Variants in CCM2 observed in about 807,000 individuals in gnomAD.
CCM2 encodes the protein cerebral cavernous malformations 2 protein.
CCM2 carries 25 observed loss-of-function variants against 44.9 expected under a neutral mutation model. The ratio of observed to expected loss-of-function variants is 0.56; its 90% confidence interval spans 0.41 to 0.78. The LOEUF (loss-of-function observed/expected upper bound fraction) is 0.78. CCM2 is among the 30% of genes least tolerant of loss of function. CCM2 has a pLI of 0.00. For missense variants in CCM2, 481 were observed against 580.6 expected (o/e 0.83, Z 1.76); for synonymous variants, 219 against 241.1 (o/e 0.91, Z 0.85).
rs1285106791 is a variant in CCM2 at position 45,067,213 on chromosome 7, G to C, written c.473-1230G>C. 2.0e-4 allele frequency among the ~76,000 whole-genome samples: 25 copies of C among 122,408 alleles called. No homozygotes were observed. The South Asian group carries it at 6.1e-3, about 30-fold the overall frequency. 80.3% of individuals were successfully genotyped at this position (122,408 alleles called of 152,430 possible). A position where few individuals can be genotyped will look rare whatever the true frequency, so the allele number is the denominator to read the frequency against. ...TGTGCCCGCCTTTTTTTTTTTTTGA[G>C]ACAAGTTTGGTGCTTGTTGCCCAGG... is the stretch of plus-strand genomic sequence containing the variant. On this transcript the variant is annotated intron_variant, in intron 4 of 9. Coordinates refer to ENST00000258781, the MANE Select transcript of CCM2 (RefSeq NM_031443.4).
intron 1 of CCM2, among the ~76,000 whole-genome samples, chr7:45,011,428 C>T (rs1447910303): frequency 6.6e-6 from 1 of 152,274 alleles, no homozygotes; most frequent in African/African-American, 2.4e-5. Flanking sequence ...AACTCCTGAC[C>T]TCAGGTGATC....
Position 45,027,497 on chromosome 7 carries a change from G to T in CCM2, c.31-10756G>T, listed in dbSNP as rs1796742234. 3.8e-6 allele frequency: 3 copies of T among 795,612 alleles called. No homozygotes were observed. In the South Asian group the frequency reaches 5.3e-5, roughly 14 times the overall value. 49.3% of individuals were successfully genotyped at this position (795,612 alleles called of 1,614,324 possible). A position where few individuals can be genotyped will look rare whatever the true frequency, so the allele number is the denominator to read the frequency against. On this transcript the variant is annotated intron_variant, in intron 1 of 9. Coordinates refer to ENST00000258781, the MANE Select transcript of CCM2 (RefSeq NM_031443.4). ...TAGGGAAAATGAGCTGGTTTACTTT[G>T]TGTCTTTTTGTGCATGCAGACTGTT...
chr7:45,002,654 A>G (rs2128709650), intron 1 of CCM2, among the ~76,000 whole-genome samples: 1 of 152,236 alleles, frequency 6.6e-6, no homozygotes, highest in South Asian at 2.1e-4. Context: ...TCTCACGGAA[A>G]CTTGGCCCCA....
At chr7:45,025,466 A>T (rs977703955) in intron 1 of CCM2, among the ~76,000 whole-genome samples, 4 of 150,814 alleles carry the variant, frequency 2.7e-5, no homozygotes, top group African/African-American at 9.8e-5. Context: ...TATTCTACGA[A>T]TTTTTTATTT....
At chr7:45,045,313 A>G (rs566714985) in intron 2 of CCM2, among the ~76,000 whole-genome samples, 45 of 152,336 alleles carry the variant, frequency 3.0e-4, no homozygotes, top group Non-Finnish European at 2.2e-4. Flanking sequence ...ATTGATTTCC[A>G]TAAATGGGAA....
Position 45,000,307 on chromosome 7 carries a change from C to T in CCM2, c.-27C>T. 3 of 1,231,030 alleles carry T rather than the reference C, an allele frequency of 2.4e-6. No homozygotes were observed. The highest frequency in any genetic ancestry group is 4.2e-5 in the Admixed American group (1 of 23,992). 76.3% of individuals were successfully genotyped at this position (1,231,030 alleles called of 1,614,324 possible). A position where few individuals can be genotyped will look rare whatever the true frequency, so the allele number is the denominator to read the frequency against. ...GGCGGGGCTCCCGGGGCGGGCCGGG[C>T]GGGCCGCGGGAGCCGCACGCGGCGA... On this transcript the variant is annotated 5_prime_UTR_variant, in exon 1 of 10. Transcript: ENST00000258781.
At chr7:45,042,265 C>CAAAAAAAAAAAA (rs71565940) in intron 2 of CCM2, among the ~76,000 whole-genome samples, 8 of 102,408 alleles carry the variant, frequency 7.8e-5, no homozygotes, top group Admixed American at 2.1e-4. Context: ...GATTCCATCT[C>CAAAAAAAAAAAA]AAAAAAAAAA....
rs1408503446 is a variant in CCM2 at position 45,050,030 on chromosome 7, GA to G, written c.204+11605del. Among the ~76,000 whole-genome samples the G allele has an allele frequency of 2.6e-5, 4 of 152,342 alleles. No homozygotes were observed. The East Asian group carries it at 7.7e-4, about 29-fold the overall frequency. ...TTGGTCAACGACAGACCACACATATGACAATGGTCCCATGAGATTATAAGGG... is the reference window on the plus strand; with the variant it reads ...TTGGTCAACGACAGACCACACATATGCAATGGTCCCATGAGATTATAAGGG... On this transcript the variant is annotated intron_variant, in intron 2 of 9. Coordinates refer to ENST00000258781, the MANE Select transcript of CCM2 (RefSeq NM_031443.4).
chr7:45,033,694 A>G (rs1476546824), intron 1 of CCM2, among the ~76,000 whole-genome samples: 1 of 152,234 alleles, frequency 6.6e-6, no homozygotes, highest in Non-Finnish European at 1.5e-5. Flanking sequence ...AGCTGGGCTC[A>G]TGGGCCAAAT....
intron 2 of CCM2, among the ~76,000 whole-genome samples, chr7:45,040,519 G>A (rs1583907709): frequency 6.6e-6 from 1 of 152,306 alleles, no homozygotes; most frequent in East Asian, 1.9e-4. Context: ...AAAGAATGAA[G>A]GGAAGAGTGA....
At position 45,012,772 on chromosome 7, in the gene CCM2, A is replaced by G. The variant is rs146088068; in HGVS notation, c.30+12409A>G. ...TCACTATGTTGCCCAGGTCGTCTCA[A>G]ACTCCTGGCCTCAGTGATCCTCTTC... is the stretch of plus-strand genomic sequence containing the variant. On this transcript the variant is annotated intron_variant, in intron 1 of 9. Transcript: ENST00000258781. 1.6e-3 allele frequency among the ~76,000 whole-genome samples: 249 copies of G among 151,778 alleles called. 1 individual carries two copies. The highest frequency in any genetic ancestry group is 5.8e-3 in the African/African-American group (239 of 41,384).
chr7:45,000,401 C>G, intron 1 of CCM2, 38 bp downstream of exon 1: 1 of 1,012,114 alleles, frequency 9.9e-7, no homozygotes. Flanking sequence ...CTGTGGTCGG[C>G]GGGCGGCTGG....
chr7:45,068,534 G>T lies in CCM2; in HGVS notation c.564G>T (p.Gly188=). The change falls in exon 5 of 10, where the codon GGG becomes GGT. Residue 188 remains glycine, a synonymous_variant. Coordinates refer to ENST00000258781, the MANE Select transcript of CCM2 (RefSeq NM_031443.4). The stretch of plus-strand genomic sequence containing the variant: ...GCTCCCTGTCGGAGAGTGCAGTTGG[G>T]CCCGTGGAGGCATGCTGCCTGGTCA... The part of the protein sequence containing the change: ...SAGSLSESAV[G]PVEACCLVIL... The T allele has an allele frequency of 6.2e-7, 1 of 1,614,138 alleles. No individual in the cohort carries two copies. The highest frequency in any genetic ancestry group is 1.1e-5 in the South Asian group (1 of 91,086).
intron 2 of CCM2, among the ~76,000 whole-genome samples, chr7:45,040,991 A>AAAAACAAAAC (rs1467009675): frequency 6.5e-4 from 99 of 152,320 alleles, no homozygotes; most frequent in African/African-American, 2.1e-3. Flanking sequence ...CGCGGTCTTC[A>AAAAACAAAAC]AAAACAAAAC....
chr7:45,057,478 A>G (rs1798319299), intron 2 of CCM2, among the ~76,000 whole-genome samples: 1 of 152,014 alleles, frequency 6.6e-6, no homozygotes, highest in Non-Finnish European at 1.5e-5. Context: ...CTCTTTTCCA[A>G]TCCATTGGTC....
intron 2 of CCM2, among the ~76,000 whole-genome samples, chr7:45,044,340 G>A (rs1251106690): frequency 1.3e-5 from 2 of 152,150 alleles, no homozygotes; most frequent in Non-Finnish European, 2.9e-5. Context: ...GTTTCACCGT[G>A]TTGGTCAGGA....
At chr7:45,072,625 G>A in intron 6 of CCM2, 101 bp from the exon 7 acceptor site, 1 of 892,896 alleles carries the variant, frequency 1.1e-6, no homozygotes, top group South Asian at 1.4e-5. Context: ...TGAAGACCAG[G>A]GCTGCCGCTG....
At chr7:45,041,426 C>T (rs1797494500) in intron 2 of CCM2, among the ~76,000 whole-genome samples, 1 of 152,094 alleles carries the variant, frequency 6.6e-6, no homozygotes, top group South Asian at 2.1e-4. Context: ...GAACGCAGAC[C>T]ACCCAGGACC....
intron 2 of CCM2, among the ~76,000 whole-genome samples, chr7:45,055,962 C>T (rs931320630): frequency 1.3e-5 from 2 of 152,220 alleles, no homozygotes; most frequent in African/African-American, 4.8e-5. Context: ...TGGCTTATTT[C>T]GCTTAGCACA....
Sources: allele counts gnomAD v4.1 joint callset (sites outside exome capture counted in the v4.1 genomes callset), GRCh38; gene constraint gnomAD v4.1.1; transcripts MANE v1.5; gene names NCBI Gene and HGNC (gene_info 2026-07-23, HGNC 2026-07-21).